Variants in NUDCD3 observed in about 807,000 individuals in gnomAD.
The protein encoded by NUDCD3 is NudC domain containing 3, also known as nudC domain-containing protein 3.
A neutral mutation model predicts 39.7 loss-of-function variants in NUDCD3; 13 were observed. That is an observed-to-expected ratio of 0.33 (90% CI 0.21 to 0.52). The LOEUF (loss-of-function observed/expected upper bound fraction) is 0.52. Ranked by LOEUF, NUDCD3 falls within the 20% of genes least tolerant of loss-of-function variation. The probability of loss-of-function intolerance (pLI) is 0.96; values close to 1 mark genes in which losing one functional copy is unlikely to be tolerated. For synonymous variants in NUDCD3, 175 were observed against 172.4 expected (o/e 1.02, Z -0.12); for missense variants, 453 against 458.1 (o/e 0.99, Z 0.10).
At chr7:44,390,278 C>T (rs963825607) in intron 5 of NUDCD3, among the ~76,000 whole-genome samples, 3 of 152,116 alleles carry the variant, frequency 2.0e-5, no homozygotes, top group African/African-American at 7.2e-5. Context: ...GCAGGAGAAC[C>T]GCTTGAACCT....
chr7:44,419,439 T>A (rs1799094585), intron 3 of NUDCD3, among the ~76,000 whole-genome samples: 1 of 152,190 alleles, frequency 6.6e-6, no homozygotes, highest in Admixed American at 6.5e-5. Flanking sequence ...CCTGCCAGCT[T>A]TGAAGAGAGC....
chr7:44,413,589 A>G (rs1451788229), intron 3 of NUDCD3, among the ~76,000 whole-genome samples: 1 of 152,248 alleles, frequency 6.6e-6, no homozygotes, highest in Non-Finnish European at 1.5e-5. Flanking sequence ...ATACAAATTC[A>G]TACTACACAT....
At chr7:44,432,559 C>A (rs944311219) in intron 2 of NUDCD3, among the ~76,000 whole-genome samples, 9 of 152,218 alleles carry the variant, frequency 5.9e-5, no homozygotes. Flanking sequence ...GGTGTTTGCA[C>A]AGAAATGTCA....
chr7:44,391,852 TCA>T (rs1259680563), intron 5 of NUDCD3, among the ~76,000 whole-genome samples: 6 of 152,188 alleles, frequency 3.9e-5, no homozygotes, highest in Non-Finnish European at 5.9e-5. Context: ...ACTGCTGACA[TCA>T]CAGAGTCTTC....
chr7:44,478,479 G>C (rs1229027064), intron 2 of NUDCD3, among the ~76,000 whole-genome samples: 3 of 152,210 alleles, frequency 2.0e-5, no homozygotes, highest in Non-Finnish European at 4.4e-5. Flanking sequence ...CTTGAACCTG[G>C]GAGGTGGAAG....
At chr7:44,430,554 C>CCA (rs748912083) in intron 2 of NUDCD3, among the ~76,000 whole-genome samples, 5,935 of 140,780 alleles carry the variant, frequency 0.042, 162 homozygotes, top group Middle Eastern at 0.081. Flanking sequence ...AATAAAATAC[C>CCA]CACACACACA....
chr7:44,423,176 G>C (rs1799172691), intron 3 of NUDCD3, among the ~76,000 whole-genome samples: 1 of 152,142 alleles, frequency 6.6e-6, no homozygotes, highest in Admixed American at 6.5e-5. Context: ...TAAACCCATA[G>C]CCAATATCAT....
At position 44,468,173 on chromosome 7, in the gene NUDCD3, A is replaced by T. The variant is rs1232240665; in HGVS notation, c.509+16795T>A. On this transcript the variant is annotated intron_variant, in intron 2 of 5. Coordinates refer to ENST00000355451, the MANE Select transcript of NUDCD3 (RefSeq NM_015332.4). Reference sequence around the variant, plus strand: ...GCTGGAAGTGCTGCTGATGTGCAACAAATCTTACTGTGCCGAGATCGCTCA... The same window carrying T: ...GCTGGAAGTGCTGCTGATGTGCAACTAATCTTACTGTGCCGAGATCGCTCA... The T allele has an allele frequency of 2.5e-6, 4 of 1,603,512 alleles. 1 individual carries two copies. In the South Asian group the frequency reaches 4.4e-5, roughly 18 times the overall value.
intron 3 of NUDCD3, among the ~76,000 whole-genome samples, chr7:44,414,776 T>TC (rs948519319): frequency 2.6e-5 from 4 of 152,220 alleles, no homozygotes; most frequent in African/African-American, 9.7e-5. Flanking sequence ...CTGCATTTTT[T>TC]CCTAAGCAAC....
intron 4 of NUDCD3, among the ~76,000 whole-genome samples, chr7:44,397,445 G>A (rs767344883): frequency 1.4e-4 from 22 of 152,190 alleles, no homozygotes; most frequent in Non-Finnish European, 2.2e-4. Context: ...TAGCACAGAA[G>A]AGCACCAGGT....
chr7:44,441,086 C>T (rs1453691293), intron 2 of NUDCD3, among the ~76,000 whole-genome samples: 2 of 152,194 alleles, frequency 1.3e-5, no homozygotes, highest in Non-Finnish European at 2.9e-5. Flanking sequence ...CTGCTGGGTG[C>T]CACTATTCAC....
chr7:44,486,724 C>G (rs777725104), intron 1 of NUDCD3, among the ~76,000 whole-genome samples: 1 of 152,164 alleles, frequency 6.6e-6, no homozygotes, highest in Non-Finnish European at 1.5e-5. Context: ...GCAACAAGAT[C>G]TCTCTCTCCT....
intron 2 of NUDCD3, among the ~76,000 whole-genome samples, chr7:44,442,363 G>A (rs1799602015): frequency 6.6e-6 from 1 of 152,166 alleles, no homozygotes; most frequent in Non-Finnish European, 1.5e-5. Context: ...CTGCCACATG[G>A]AGAGTAGACT....
chr7:44,388,845 GTCAGGATGCTGCC>G (rs2116856449), intron 5 of NUDCD3, among the ~76,000 whole-genome samples: 1 of 152,348 alleles, frequency 6.6e-6, no homozygotes, highest in Admixed American at 6.5e-5. Flanking sequence ...CCTCTCAAGG[GTCAGGATGCTGCC>G]CCATGGCAAG....
At chr7:44,438,525 G>A (rs534356130) in intron 2 of NUDCD3, among the ~76,000 whole-genome samples, 25 of 152,068 alleles carry the variant, frequency 1.6e-4, no homozygotes, top group Non-Finnish European at 2.4e-4. Context: ...CCTTGTAGAC[G>A]TTGCACCAAT....
intron 4 of NUDCD3, among the ~76,000 whole-genome samples, chr7:44,400,442 A>G (rs1272053855): frequency 6.6e-6 from 1 of 152,190 alleles, no homozygotes; most frequent in Non-Finnish European, 1.5e-5. Flanking sequence ...CAGAATATCT[A>G]ACCAAGGAGC....
chr7:44,402,240 T>C (rs1005918645), intron 4 of NUDCD3, among the ~76,000 whole-genome samples: 1 of 152,200 alleles, frequency 6.6e-6, no homozygotes, highest in Non-Finnish European at 1.5e-5. Flanking sequence ...ATTAAACAGA[T>C]TGTAAGGCAC....
At chr7:44,475,305 T>G (rs1247335085) in intron 2 of NUDCD3, among the ~76,000 whole-genome samples, 1 of 152,056 alleles carries the variant, frequency 6.6e-6, no homozygotes. Context: ...AGAGACAGGC[T>G]GTCACCATAC....
intron 2 of NUDCD3, among the ~76,000 whole-genome samples, chr7:44,459,210 T>C (rs983206562): frequency 1.3e-5 from 2 of 151,764 alleles, no homozygotes; most frequent in Admixed American, 1.3e-4. Context: ...TTTCTTTTTT[T>C]TTTTTTTGAG....
Sources: gnomAD v4.1 joint callset for allele counts (sites outside exome capture counted in the v4.1 genomes callset) on GRCh38, gnomAD v4.1.1 for gene constraint, MANE v1.5 for transcripts, NCBI Gene and HGNC (gene_info 2026-07-23, HGNC 2026-07-21) for gene names.